ZNF782: variants seen among roughly 807,000 people sequenced by gnomAD.
ZNF782 encodes the protein zinc finger protein 782.
In ZNF782, 12 loss-of-function variants were observed where a neutral mutation model predicts 13.0. The ratio of observed to expected loss-of-function variants is 0.92; its 90% CI spans 0.59 to 1.50. The LOEUF (loss-of-function observed/expected upper bound fraction) is 1.50. Ranked by LOEUF, ZNF782 falls within the 40% of genes most tolerant of loss-of-function variation. ZNF782 has a pLI of 0.00. For missense variants in ZNF782, 770 were observed against 822.9 expected (o/e 0.94, Z 0.79); for synonymous variants, 284 against 283.0 (o/e 1.00, Z -0.04).
At chr9:96,903,784 G>A in the ZNF782 span, among the ~76,000 whole-genome samples, 1 of 151,352 alleles carries the variant, frequency 6.6e-6, no homozygotes, top group Non-Finnish European at 1.5e-5. Context: ...GGATGGTCTC[G>A]ATCTCCTGAC....
At chr9:96,898,220 G>GT in the ZNF782 span, 1 of 149,424 alleles carries the variant, frequency 6.7e-6, no homozygotes, top group Non-Finnish European at 1.5e-5. Flanking sequence ...TCACAAGGTT[G>GT]TGACAAACAT....
intron 3 of ZNF782, among the ~76,000 whole-genome samples, chr9:96,845,527 G>C (rs771299975): frequency 2.3e-4 from 35 of 152,202 alleles, no homozygotes; most frequent in Non-Finnish European, 4.1e-4. Context: ...AAAGTGCTGG[G>C]ATTACAGGCG....
chr9:96,911,458 AAAAG>A, the ZNF782 span, among the ~76,000 whole-genome samples: 3 of 147,430 alleles, frequency 2.0e-5, no homozygotes, highest in African/African-American at 7.4e-5. Context: ...AAAAAAAAAA[AAAAG>A]ATTGTTTTTC....
At chr9:96,858,070 A>AT (rs1335170108), upstream of ZNF782, among the ~76,000 whole-genome samples, 3 of 152,310 alleles carry the variant, frequency 2.0e-5, no homozygotes, top group East Asian at 5.8e-4. This position sits in a 1 kb window ranked among gnomAD's most constrained non-coding sequence, Gnocchi z 4.4. Context: ...CTTTGAAATA[A>AT]TTGGCCGCTG....
At chr9:96,832,600 G>A (rs942917804) in intron 4 of ZNF782, among the ~76,000 whole-genome samples, 2 of 151,884 alleles carry the variant, frequency 1.3e-5, no homozygotes, top group African/African-American at 4.8e-5. Context: ...AGATATTTAC[G>A]CTGGATAAAG....
chr9:96,925,375 C>T, the ZNF782 span, among the ~76,000 whole-genome samples: 1,696 of 152,180 alleles, frequency 0.011, 43 homozygotes, highest in African/African-American at 0.036. Context: ...CGGTGGCTCA[C>T]GCCTGTAATC....
chr9:96,851,887 C>A, intron 3 of ZNF782, 60 bp downstream of exon 3: 2 of 1,467,850 alleles, frequency 1.4e-6, no homozygotes, highest in Non-Finnish European at 1.9e-6. Context: ...AATGCAAGGG[C>A]CTATCTAAAC....
the ZNF782 span, among the ~76,000 whole-genome samples, chr9:96,917,493 G>A: frequency 6.6e-6 from 1 of 151,668 alleles, no homozygotes; most frequent in Non-Finnish European, 1.5e-5. Context: ...GTGCAGTGGT[G>A]CAATCTCGGC....
the ZNF782 span, chr9:96,895,331 G>C: frequency 2.0e-5 from 3 of 152,294 alleles, no homozygotes; most frequent in Non-Finnish European, 4.4e-5. Flanking sequence ...AGTATCCATA[G>C]AAATAAAAGA....
At chr9:96,925,499 G>A in the ZNF782 span, among the ~76,000 whole-genome samples, 2 of 151,890 alleles carry the variant, frequency 1.3e-5, no homozygotes, top group East Asian at 1.9e-4. Context: ...TTAGCCAGGC[G>A]TGGTGGCGCG....
At chr9:96,877,364 A>G (rs1851906340), upstream of ZNF782, among the ~76,000 whole-genome samples, 1 of 152,182 alleles carries the variant, frequency 6.6e-6, no homozygotes, top group African/African-American at 2.4e-5. Flanking sequence ...ACGCGCCCAG[A>G]CGTAGAGGCC....
intron 1 of ZNF782, among the ~76,000 whole-genome samples, chr9:96,865,394 G>A (rs983297554): frequency 2.0e-5 from 3 of 151,708 alleles, no homozygotes; most frequent in African/African-American, 7.3e-5. Flanking sequence ...ATAAGAGGGA[G>A]TTTCCCTACA....
intron 5 of ZNF782, among the ~76,000 whole-genome samples, chr9:96,823,730 A>C (rs1850505038): frequency 6.6e-6 from 1 of 152,220 alleles, no homozygotes; most frequent in African/African-American, 2.4e-5. Context: ...TTTAAAATAT[A>C]CCTCTTTAAC....
the ZNF782 span, among the ~76,000 whole-genome samples, chr9:96,916,689 A>G: frequency 8.6e-5 from 13 of 152,002 alleles, no homozygotes; most frequent in African/African-American, 2.9e-4. Flanking sequence ...GCGGCTCCCC[A>G]GCCCGAGGCC....
At chr9:96,827,459 A>T (rs770855204) in intron 4 of ZNF782, among the ~76,000 whole-genome samples, 1 of 152,042 alleles carries the variant, frequency 6.6e-6, no homozygotes, top group Non-Finnish European at 1.5e-5. Flanking sequence ...CCTCCTGAGT[A>T]GCTGGGACTA....
chr9:96,818,107 G>A lies in ZNF782; in HGVS notation c.1916C>T (p.Thr639Ile). ...ATTATATGGTTTCTCCCCGGTGTGA[G>A]TTCGCTGATGTTTTCTTAGGACTGA... ...EKSVLRKHQR[T>I]HTGEKPYNCN... is the part of the protein sequence containing the mutation. The change falls in exon 6 of 6, where the codon ACT becomes ATT. Residue 639 changes from threonine to isoleucine, a missense_variant. Physicochemically the swap from Thr to Ile is moderately conservative, Grantham distance 89 (BLOSUM62 -1). Transcript: ENST00000481138. 2 of 1,613,684 alleles carry A rather than the reference G, an allele frequency of 1.2e-6. No homozygotes were observed. The highest frequency in any genetic ancestry group is 1.3e-5 in the African/African-American group (1 of 74,864).
chr9:96,832,249 A>T (rs138275661), intron 4 of ZNF782, among the ~76,000 whole-genome samples: 78 of 152,318 alleles, frequency 5.1e-4, no homozygotes, highest in Middle Eastern at 3.4e-3. Context: ...GAGTGTAAAG[A>T]TGAAGGGACT....
intron 4 of ZNF782, among the ~76,000 whole-genome samples, chr9:96,828,296 G>A (rs923755789): frequency 1.3e-5 from 2 of 152,150 alleles, no homozygotes; most frequent in African/African-American, 2.4e-5. Flanking sequence ...GTTCTAAAGT[G>A]AGCTCTGAAT....
the ZNF782 span, chr9:96,931,800 C>A: frequency 6.2e-7 from 1 of 1,611,788 alleles, no homozygotes; most frequent in Non-Finnish European, 8.5e-7. Context: ...CCCTTTGCCA[C>A]ACCCTCTCCC....
Sources: allele counts gnomAD v4.1 joint callset (sites outside exome capture counted in the v4.1 genomes callset), GRCh38; gene constraint gnomAD v4.1.1; non-coding constraint Gnocchi (gnomAD v3.1); transcripts MANE v1.5; gene names NCBI Gene and HGNC (gene_info 2026-07-23, HGNC 2026-07-21).